Variants in ADCY9 observed in about 807,000 individuals in gnomAD.
The protein encoded by ADCY9 is adenylate cyclase 9.
A neutral mutation model predicts 101.5 loss-of-function variants in ADCY9; 50 were observed. That is an observed-to-expected ratio of 0.49 (90% CI 0.39 to 0.62). ADCY9 has a LOEUF of 0.62. ADCY9 is among the 20% of genes least tolerant of loss of function. The probability of loss-of-function intolerance (pLI) is 0.00; values close to 1 mark genes in which losing one functional copy is unlikely to be tolerated. For synonymous variants in ADCY9, 905 were observed against 769.3 expected (o/e 1.18, Z -2.92); for missense variants, 1,662 against 1,800.4 (o/e 0.92, Z 1.39).
At chr16:4,070,349 A>G (rs2141168678) in intron 2 of ADCY9, among the ~76,000 whole-genome samples, 1 of 152,354 alleles carries the variant, frequency 6.6e-6, no homozygotes, top group South Asian at 2.1e-4. Context: ...AGACAAACAC[A>G]CATGTATTTC....
chr16:4,075,004 C>G (rs958167138), intron 2 of ADCY9, among the ~76,000 whole-genome samples: 1 of 151,902 alleles, frequency 6.6e-6, no homozygotes, highest in Non-Finnish European at 1.5e-5. Flanking sequence ...GGTGAGACCC[C>G]GTCTCCACAA....
In ADCY9 at chr16:4,114,444, C is replaced by T; in HGVS notation, c.999G>A (p.Met333Ile). The T allele has an allele frequency of 6.2e-7, 1 of 1,614,192 alleles. No individual in the cohort carries two copies. The highest frequency in any genetic ancestry group is 2.2e-5 in the East Asian group (1 of 44,880). Residue 333 changes from methionine to isoleucine, a missense_variant, in exon 2 of 11, where the codon ATG (methionine) becomes ATA (isoleucine). Transcript: ENST00000294016. This position sits in a 1 kb window ranked among gnomAD's most constrained non-coding sequence, Gnocchi z 4.3. The part of the protein sequence containing the change: ...LEVEKALKER[M>I]IHSVMPRIIA... ...TGATTCTTGGCATCACGGAATGAAT[C>T]ATCCTCTCTTTGAGGGCTTTTTCCA...
rs2056080779 is a variant in ADCY9, at chr16:3,974,832, AGCCACCT to A, written c.2829-129_2829-123del. ...TAGACGTGGTTGTACATCCACATAA[AGCCACCT>A]GCTCCCACCTCTTTCTTCACATCTG... On this transcript the variant is annotated intron_variant, in intron 9 of 10. Coordinates refer to ENST00000294016, the MANE Select transcript of ADCY9 (RefSeq NM_001116.4). 4.1e-6 allele frequency: 3 copies of A among 730,358 alleles called. No individual in the cohort carries two copies. The Admixed American group carries it at 6.5e-5, about 16-fold the overall frequency. 45.2% of individuals were successfully genotyped at this position (730,358 alleles called of 1,614,324 possible).
At chr16:4,113,686 T>G in intron 2 of ADCY9, 64 bp downstream of exon 2, 1 of 1,529,826 alleles carries the variant, frequency 6.5e-7, no homozygotes, top group South Asian at 1.3e-5. Context: ...TGGAAGCTTT[T>G]TTTTTTAATT....
intron 2 of ADCY9, among the ~76,000 whole-genome samples, chr16:4,085,001 A>G (rs1039316416): frequency 2.6e-4 from 39 of 152,220 alleles, no homozygotes; most frequent in African/African-American, 9.4e-4. Context: ...CCATTTACCC[A>G]TTGGTGCCTT....
intron 2 of ADCY9, among the ~76,000 whole-genome samples, chr16:4,018,970 T>TGTGTGTGTGTGTGTGTGTGTGTG (rs1555509543): frequency 1.1e-4 from 16 of 149,468 alleles, no homozygotes; most frequent in African/African-American, 2.5e-4. Context: ...TGTGTGTGTG[T>TGTGTGTGTGTGTGTGTGTGTGTG]TTTGTTTTGT....
chr16:4,104,090 G>A (rs769733719), intron 2 of ADCY9, among the ~76,000 whole-genome samples: 1 of 152,148 alleles, frequency 6.6e-6, no homozygotes, highest in Non-Finnish European at 1.5e-5. Flanking sequence ...AACCACGGTC[G>A]TTCAGGCTTG....
At chr16:4,097,545 A>ATT (rs2057014249) in intron 2 of ADCY9, among the ~76,000 whole-genome samples, 9 of 53,338 alleles carry the variant, frequency 1.7e-4, no homozygotes, top group Admixed American at 1.2e-3. Flanking sequence ...ATATATATAT[A>ATT]TATATATATT....
chr16:3,987,639 C>A (rs2056204883), intron 6 of ADCY9, among the ~76,000 whole-genome samples: 1 of 152,236 alleles, frequency 6.6e-6, no homozygotes, highest in South Asian at 2.1e-4. Flanking sequence ...AACGGATATT[C>A]ACTGTCCCTT....
rs575514430 is a variant in ADCY9 at position 3,957,107 on chromosome 16, G to T, written c.568-3591C>A. Among the ~76,000 whole-genome samples, 260 of 152,246 alleles carry T rather than the reference G, an allele frequency of 1.7e-3. 2 individuals carry two copies. The highest frequency in any genetic ancestry group is 6.0e-3 in the African/African-American group (251 of 41,544). Reference sequence around the variant, plus strand: ...ACTCACACCCTCCCCCTCCATCTGGGTTCTTCGTTCTTTCCTTGAAAAGGA... The same window carrying T: ...ACTCACACCCTCCCCCTCCATCTGGTTTCTTCGTTCTTTCCTTGAAAAGGA... On this transcript the variant is annotated intron_variant, in intron 5 of 5. Coordinates refer to the ADCY9 transcript ENST00000576936.
intron 2 of ADCY9, among the ~76,000 whole-genome samples, chr16:4,099,350 T>C (rs1455822137): frequency 6.6e-6 from 1 of 152,184 alleles, no homozygotes; most frequent in Admixed American, 6.5e-5. Flanking sequence ...GGAATGCAAA[T>C]TAAAGCTTCC....
At chr16:3,953,781 C>T (rs1292970358) in intron 5 of ADCY9, among the ~76,000 whole-genome samples, 2 of 152,190 alleles carry the variant, frequency 1.3e-5, no homozygotes, top group Non-Finnish European at 2.9e-5. Context: ...CTGCTTGAAC[C>T]GCCGTCACCC....
intron 2 of ADCY9, among the ~76,000 whole-genome samples, chr16:4,052,611 C>G (rs2056709063): frequency 6.6e-6 from 1 of 152,146 alleles, no homozygotes; most frequent in South Asian, 2.1e-4. Context: ...CCAAAACCCC[C>G]TCTATCACTC....
intron 7 of ADCY9, 122 bp from the exon 8 acceptor site, chr16:3,979,397 G>A: frequency 5.0e-6 from 6 of 1,204,222 alleles, no homozygotes; most frequent in Non-Finnish European, 7.0e-6. Context: ...CCCTGGGATG[G>A]GCGTGAGAGC....
At chr16:3,983,030 T>C in intron 7 of ADCY9, 1 of 594,504 alleles carries the variant, frequency 1.7e-6, no homozygotes, top group Non-Finnish European at 2.9e-6. Flanking sequence ...TCCAGCGAGG[T>C]GGTCCCCCCG....
Position 4,114,782 on chromosome 16 carries a change from C to G in ADCY9, c.661G>C (p.Val221Leu). Residue 221 changes from valine to leucine, a missense_variant, in exon 2 of 11, where the codon GTG becomes CTG. Physicochemically the swap from Val to Leu is conservative, Grantham distance 32. Around this residue, in one of 5 missense-constraint regions of ADCY9, gnomAD observed 422 missense variants for 392.0 expected, o/e 1.08. Coordinates refer to ENST00000294016, the MANE Select transcript of ADCY9 (RefSeq NM_001116.4). This position sits in a 1 kb window ranked among gnomAD's most constrained non-coding sequence, Gnocchi z 4.3. The stretch of plus-strand genomic sequence containing the variant: ...TCGATGCACATGGAGAAGCTCCCCA[C>G]TTGAGATAAGCAAGTATCTGTGGGC... ...ARPTDTCLSQ[V>L]GSFSMCIEVL... 1 of 1,613,306 alleles carries G rather than the reference C, an allele frequency of 6.2e-7. No homozygotes were observed.
chr16:4,028,827 C>A (rs1011745367), intron 2 of ADCY9, among the ~76,000 whole-genome samples: 1 of 151,850 alleles, frequency 6.6e-6, no homozygotes, highest in Admixed American at 6.6e-5. Flanking sequence ...CTCTGTCACC[C>A]AAGCTAGAGT....
At chr16:4,047,860 G>C (rs1397988464) in intron 2 of ADCY9, among the ~76,000 whole-genome samples, 5 of 152,210 alleles carry the variant, frequency 3.3e-5, no homozygotes, top group African/African-American at 1.2e-4. Flanking sequence ...CATCCGGCCA[G>C]AGTGTGTTGT....
At chr16:4,075,863 T>C (rs2056863989) in intron 2 of ADCY9, among the ~76,000 whole-genome samples, 1 of 152,156 alleles carries the variant, frequency 6.6e-6, no homozygotes, top group Admixed American at 6.5e-5. Context: ...TCTGGCTTAT[T>C]TGGGAAAAAT....
Sources: allele counts gnomAD v4.1 joint callset (sites outside exome capture counted in the v4.1 genomes callset), GRCh38; gene constraint gnomAD v4.1.1; regional missense constraint gnomAD v4.1.1; non-coding constraint Gnocchi (gnomAD v3.1); transcripts MANE v1.5; gene names NCBI Gene and HGNC (gene_info 2026-07-23, HGNC 2026-07-21).